TENM2: variants seen among roughly 807,000 people sequenced by gnomAD.
TENM2 encodes the protein teneurin transmembrane protein 2.
Under a neutral mutation model 245.2 loss-of-function variants are expected in TENM2, and 52 were observed. The observed-to-expected ratio is 0.21, with a 90% confidence interval of 0.17 to 0.27. The LOEUF is 0.27. Ranked by LOEUF, TENM2 falls within the 10% of genes least tolerant of loss-of-function variation. TENM2 has a pLI of 1.00. For synonymous variants in TENM2, 1,363 were observed against 1,438.9 expected, an observed-to-expected ratio of 0.95 and a Z score of 1.19; for missense variants, 3,046 against 3,666.8, an observed-to-expected ratio of 0.83 and a Z score of 4.37.
At chr5:167,353,588 A>T (rs1330560855) in intron 1 of TENM2, among the ~76,000 whole-genome samples, 1 of 138,160 alleles carries the variant, frequency 7.2e-6, no homozygotes, top group Admixed American at 8.0e-5. Flanking sequence ...GCTCACTGCA[A>T]GCTCCGCCTC....
the TENM2 span, among the ~76,000 whole-genome samples, chr5:167,089,156 T>C: frequency 6.6e-6 from 1 of 152,216 alleles, no homozygotes; most frequent in Non-Finnish European, 1.5e-5. Context: ...CAAAGAAGAA[T>C]GTTATAAATA....
intron 2 of TENM2, among the ~76,000 whole-genome samples, chr5:167,752,780 C>G (rs934728932): frequency 1.3e-5 from 2 of 152,114 alleles, no homozygotes; most frequent in Non-Finnish European, 2.9e-5. Flanking sequence ...GACTGATCCC[C>G]CAGATGTTCT....
At chr5:167,390,434 G>A (rs368153316) in intron 2 of TENM2, among the ~76,000 whole-genome samples, 21 of 152,194 alleles carry the variant, frequency 1.4e-4, no homozygotes, top group East Asian at 5.8e-4. Context: ...AGACAGAATC[G>A]AGTAAATTAT....
chr5:167,144,376 G>C, the TENM2 span, among the ~76,000 whole-genome samples: 14 of 152,160 alleles, frequency 9.2e-5, no homozygotes, highest in Non-Finnish European at 1.3e-4. Flanking sequence ...CTAATTAAGC[G>C]GGCAGTTGTC....
the TENM2 span, among the ~76,000 whole-genome samples, chr5:167,003,497 T>C: frequency 6.6e-6 from 1 of 152,196 alleles, no homozygotes; most frequent in Non-Finnish European, 1.5e-5. Flanking sequence ...GAAGTTTTAG[T>C]TGAAATCACT....
chr5:167,435,568 T>A (rs555067247), intron 2 of TENM2, among the ~76,000 whole-genome samples: 2 of 152,122 alleles, frequency 1.3e-5, no homozygotes, highest in Non-Finnish European at 2.9e-5. Context: ...ATCAGCAGCA[T>A]GAAAATGAAC....
At chr5:168,059,048 C>T (rs773750342) in intron 6 of TENM2, among the ~76,000 whole-genome samples, 49 of 152,198 alleles carry the variant, frequency 3.2e-4, no homozygotes, top group Non-Finnish European at 1.0e-4. Context: ...CAGGTGCACT[C>T]CCTTATTTAG....
At chr5:167,312,391 C>T (rs1450335221) in intron 1 of TENM2, among the ~76,000 whole-genome samples, 4 of 152,002 alleles carry the variant, frequency 2.6e-5, no homozygotes, top group Non-Finnish European at 4.4e-5. Context: ...TCCACTTGCC[C>T]CGGCTGTCAA....
chr5:168,180,538 C>T (rs1332722355), intron 13 of TENM2, among the ~76,000 whole-genome samples: 1 of 152,168 alleles, frequency 6.6e-6, no homozygotes, highest in Non-Finnish European at 1.5e-5. Flanking sequence ...TTTTCTCAGT[C>T]ACTCAGAACA....
Position 167,550,699 on chromosome 5 carries a change from AGTGTGTGTGTGTGTGTGT to A in TENM2, c.502+175260_502+175277del, listed in dbSNP as rs10581183. Among the ~76,000 whole-genome samples the A allele has an allele frequency of 8.9e-4, 102 of 114,176 alleles. 2 individuals carry two copies. The highest frequency in any genetic ancestry group is 4.4e-3 in the South Asian group (14 of 3,174). 74.9% of individuals were successfully genotyped at this position (114,176 alleles called of 152,430 possible). A position where few individuals can be genotyped will look rare whatever the true frequency, so the allele number is the denominator to read the frequency against. ...AATTACCTTTTTTTTTGTTGTTGTT[AGTGTGTGTGTGTGTGTGT>A]GTGTGTGTGTGTGTGTGTGTGTGTG... On this transcript the variant is annotated intron_variant, in intron 2 of 28. Coordinates refer to ENST00000518659, the Ensembl canonical transcript of TENM2.
the TENM2 span, among the ~76,000 whole-genome samples, chr5:167,077,328 A>C: frequency 6.6e-6 from 1 of 151,922 alleles, no homozygotes; most frequent in Non-Finnish European, 1.5e-5. Context: ...TACCATTTTT[A>C]AACTTTTTTT....
At chr5:167,292,016 G>T (rs1364660315) in intron 1 of TENM2, among the ~76,000 whole-genome samples, 1 of 152,164 alleles carries the variant, frequency 6.6e-6, no homozygotes, top group Non-Finnish European at 1.5e-5. Flanking sequence ...TTACATGGCG[G>T]CAGGGAAGAG....
chr5:167,095,663 A>C, the TENM2 span, among the ~76,000 whole-genome samples: 2 of 152,126 alleles, frequency 1.3e-5, no homozygotes, highest in Non-Finnish European at 2.9e-5. Context: ...CTACAATAAA[A>C]TCCATAGATC....
chr5:168,179,620 G>A (rs189515147), intron 13 of TENM2, among the ~76,000 whole-genome samples: 229 of 152,258 alleles, frequency 1.5e-3, no homozygotes, highest in Non-Finnish European at 2.4e-3. Context: ...CCTGTGTGTT[G>A]GACACTCAGC....
At chr5:167,084,327 T>TATATATATA in the TENM2 span, among the ~76,000 whole-genome samples, 5 of 23,178 alleles carry the variant, frequency 2.2e-4, no homozygotes, top group African/African-American at 4.5e-4. Flanking sequence ...GCCATTTTAG[T>TATATATATA]TATATATATA....
At chr5:167,962,004 C>T (rs1781047735) in intron 4 of TENM2, among the ~76,000 whole-genome samples, 1 of 152,184 alleles carries the variant, frequency 6.6e-6, no homozygotes, top group Admixed American at 6.5e-5. Flanking sequence ...GCTCCTGATG[C>T]AATCAGTTGG....
chr5:167,145,800 G>A, the TENM2 span, among the ~76,000 whole-genome samples: 7 of 152,114 alleles, frequency 4.6e-5, no homozygotes, highest in East Asian at 1.3e-3. Flanking sequence ...ATAGCAGTTT[G>A]AATTTGATTT....
At chr5:167,467,204 T>C (rs1766719885) in intron 2 of TENM2, among the ~76,000 whole-genome samples, 1 of 152,110 alleles carries the variant, frequency 6.6e-6, no homozygotes, top group African/African-American at 2.4e-5. Context: ...GTTCTCGCGA[T>C]AGTGAGTGAG....
intron 2 of TENM2, among the ~76,000 whole-genome samples, chr5:167,683,499 T>C (rs1395503919): frequency 6.6e-6 from 1 of 152,210 alleles, no homozygotes; most frequent in Non-Finnish European, 1.5e-5. Flanking sequence ...GTTATATAAA[T>C]ACCTGGTTGA....
Sources: gnomAD v4.1 joint callset for allele counts (sites outside exome capture counted in the v4.1 genomes callset) on GRCh38, gnomAD v4.1.1 for gene constraint, MANE v1.5 for transcripts, NCBI Gene and HGNC (gene_info 2026-07-23, HGNC 2026-07-21) for gene names.